PLEKHD1: variants seen among roughly 807,000 people sequenced by gnomAD.
PLEKHD1 encodes pleckstrin homology domain-containing family D member 1.
A neutral mutation model predicts 69.2 loss-of-function variants in PLEKHD1; 51 were observed. The ratio of observed to expected loss-of-function variants is 0.74; its 90% CI spans 0.59 to 0.93. The LOEUF (loss-of-function observed/expected upper bound fraction) is 0.93. Among genes scored for constraint, PLEKHD1 ranks in the 40% least tolerant of loss-of-function variants. The pLI, the probability that PLEKHD1 is intolerant of heterozygous loss-of-function variation, is 0.00. For missense variants in PLEKHD1, 584 were observed against 641.0 expected, an observed-to-expected ratio of 0.91 and a Z score of 0.96; for synonymous variants, 236 against 244.7, an observed-to-expected ratio of 0.96 and a Z score of 0.33.
intron 8 of PLEKHD1, 92 bp downstream of exon 8, chr14:69,524,414 G>A: frequency 3.6e-6 from 4 of 1,115,668 alleles, no homozygotes; most frequent in South Asian, 2.8e-5. Context: ...TTCCCCAGGG[G>A]GTGATCTGTA....
chr14:69,481,409 G>C (rs984442898), upstream of PLEKHD1, among the ~76,000 whole-genome samples: 1 of 152,222 alleles, frequency 6.6e-6, no homozygotes, highest in Non-Finnish European at 1.5e-5. Flanking sequence ...TGCTTTGTCA[G>C]TTCTACAGGA....
intron 10 of PLEKHD1, 106 bp downstream of exon 10, chr14:69,526,935 A>T: frequency 7.1e-7 from 1 of 1,412,540 alleles, no homozygotes; most frequent in Non-Finnish European, 9.3e-7. Flanking sequence ...TGTCAGTCTG[A>T]CCAGACAGCC....
At chr14:69,508,519 A>T (rs1457226747) in intron 6 of PLEKHD1, among the ~76,000 whole-genome samples, 1 of 152,152 alleles carries the variant, frequency 6.6e-6, no homozygotes, top group East Asian at 1.9e-4. Flanking sequence ...GGCTAAAGTG[A>T]TCCACCTGCC....
chr14:69,489,018 A>AGCCTTC (rs113550280), intron 1 of PLEKHD1, among the ~76,000 whole-genome samples: 19 of 151,550 alleles, frequency 1.3e-4, no homozygotes, highest in Non-Finnish European at 1.5e-4. Flanking sequence ...ACATCAGGTC[A>AGCCTTC]CTGGGGTCGT....
the PLEKHD1 span, among the ~76,000 whole-genome samples, chr14:69,473,475 G>A: frequency 1.3e-5 from 2 of 152,114 alleles, no homozygotes; most frequent in Non-Finnish European, 2.9e-5. Context: ...ATCAGAAAGG[G>A]CATGGAACTG....
the PLEKHD1 span, among the ~76,000 whole-genome samples, chr14:69,470,053 T>G: frequency 1.2e-4 from 18 of 151,950 alleles, no homozygotes; most frequent in East Asian, 3.5e-3. Context: ...AATCAGTAAC[T>G]AAGGTCTGAG....
chr14:69,520,880 G>A lies in PLEKHD1; in HGVS notation c.556-1403G>A, dbSNP rs372929281. Among the ~76,000 whole-genome samples, 69 of 152,324 alleles carry A rather than the reference G, an allele frequency of 4.5e-4. 1 individual carries two copies. The South Asian group carries it at 7.5e-3, about 16-fold the overall frequency. On this transcript the variant is annotated intron_variant, in intron 6 of 12. Coordinates refer to ENST00000322564, the MANE Select transcript of PLEKHD1 (RefSeq NM_001161498.2). ...AACTGCCTAGAAGTAACACACTTCT[G>A]CTCTCATTCCATTGGCTTTAGCTAG...
chr14:69,482,524 G>T (rs1047798249), upstream of PLEKHD1, among the ~76,000 whole-genome samples: 1 of 152,202 alleles, frequency 6.6e-6, no homozygotes, highest in Non-Finnish European at 1.5e-5. Context: ...AGTTCTTGCT[G>T]CTGCTGTTTG....
At chr14:69,471,696 G>A in the PLEKHD1 span, among the ~76,000 whole-genome samples, 1 of 152,128 alleles carries the variant, frequency 6.6e-6, no homozygotes. Context: ...GCCTCAGGAT[G>A]TCTCAAGTCC....
At chr14:69,511,883 G>A (rs1488489785) in intron 6 of PLEKHD1, among the ~76,000 whole-genome samples, 1 of 152,112 alleles carries the variant, frequency 6.6e-6, no homozygotes, top group Non-Finnish European at 1.5e-5. Flanking sequence ...TCTCTATTAG[G>A]TTTTGGTAAG....
intron 6 of PLEKHD1, among the ~76,000 whole-genome samples, chr14:69,517,947 T>G (rs550816571): frequency 2.8e-4 from 43 of 152,320 alleles, no homozygotes; most frequent in Middle Eastern, 6.8e-3. Flanking sequence ...TGTCTGATTA[T>G]TTTGGTAATA....
chr14:69,471,765 C>G, the PLEKHD1 span, among the ~76,000 whole-genome samples: 2 of 152,166 alleles, frequency 1.3e-5, no homozygotes, highest in African/African-American at 4.8e-5. Context: ...AATGAACCAC[C>G]ACCCATGGTA....
At chr14:69,516,789 C>T (rs1883394113) in intron 6 of PLEKHD1, among the ~76,000 whole-genome samples, 2 of 152,184 alleles carry the variant, frequency 1.3e-5, no homozygotes, top group Non-Finnish European at 2.9e-5. Flanking sequence ...CTCACCTCAG[C>T]CTTCCAAGTA....
At chr14:69,493,618 G>A (rs1245888551) in intron 1 of PLEKHD1, among the ~76,000 whole-genome samples, 1 of 152,174 alleles carries the variant, frequency 6.6e-6, no homozygotes, top group African/African-American at 2.4e-5. Flanking sequence ...CTTAGCATCA[G>A]GGCCTTTGCA....
chr14:69,469,072 G>A, the PLEKHD1 span, among the ~76,000 whole-genome samples: 2 of 152,204 alleles, frequency 1.3e-5, no homozygotes, highest in African/African-American at 4.8e-5. Context: ...AGGATTCTGA[G>A]GAAGTAGAGA....
chr14:69,488,655 G>T (rs1242528543), intron 1 of PLEKHD1, among the ~76,000 whole-genome samples: 1 of 152,174 alleles, frequency 6.6e-6, no homozygotes, highest in Non-Finnish European at 1.5e-5. Flanking sequence ...TAATGTGTGT[G>T]GGAAGTTGGG....
rs191753416 is a variant in PLEKHD1 at position 69,505,270 on chromosome 14, C to T, written c.555+2391C>T. Reference sequence around the variant, plus strand: ...TTTTTGTCAGCTGCATGCTCTAGATCTGGAATAGAGCTCAGGTTCTAGTCT... The same window carrying T: ...TTTTTGTCAGCTGCATGCTCTAGATTTGGAATAGAGCTCAGGTTCTAGTCT... On this transcript the variant is annotated intron_variant, in intron 6 of 12. Coordinates refer to ENST00000322564, the MANE Select transcript of PLEKHD1 (RefSeq NM_001161498.2). 7.9e-5 allele frequency among the ~76,000 whole-genome samples: 12 copies of T among 152,300 alleles called. 1 individual carries two copies. In the East Asian group the frequency reaches 2.1e-3, roughly 27 times the overall value.
intron 1 of PLEKHD1, among the ~76,000 whole-genome samples, chr14:69,487,143 C>T (rs1882671129): frequency 6.6e-6 from 1 of 151,558 alleles, no homozygotes; most frequent in Non-Finnish European, 1.5e-5. Flanking sequence ...TCCCACCTGC[C>T]CATTCTAGGC....
At chr14:69,526,201 T>A in intron 9 of PLEKHD1, 79 bp downstream of exon 9, 1 of 1,423,562 alleles carries the variant, frequency 7.0e-7, no homozygotes, top group East Asian at 2.5e-5. Context: ...TCCAGACTCT[T>A]GGGTTCTACT....
Sources: allele counts gnomAD v4.1 joint callset (sites outside exome capture counted in the v4.1 genomes callset), GRCh38; gene constraint gnomAD v4.1.1; transcripts MANE v1.5; gene names NCBI Gene and HGNC (gene_info 2026-07-23, HGNC 2026-07-21).